The following OCA2 variants were observed in gnomAD, a reference collection of about 807,000 sequenced individuals.
OCA2 encodes P protein.
Under a neutral mutation model 100.2 loss-of-function variants are expected in OCA2, and 77 were observed. That is an observed-to-expected ratio of 0.77 (90% CI 0.64 to 0.93). The LOEUF (loss-of-function observed/expected upper bound fraction) is 0.93, where lower values mean the gene tolerates loss of function less well. Among genes scored for constraint, OCA2 ranks in the 40% least tolerant of loss-of-function variants. OCA2 has a pLI of 0.00. For synonymous variants in OCA2, 432 were observed against 439.2 expected (o/e 0.98, Z 0.21); for missense variants, 1,062 against 1,089.1 (o/e 0.98, Z 0.35).
At chr15:27,870,708 G>T (rs1281915047) in intron 21 of OCA2, among the ~76,000 whole-genome samples, 1 of 103,898 alleles carries the variant, frequency 9.6e-6, no homozygotes, top group Non-Finnish European at 1.8e-5. Flanking sequence ...AAGAAGGAAG[G>T]AAGGAAGGAA....
chr15:27,747,326 G>C, the OCA2 span, among the ~76,000 whole-genome samples: 1 of 152,234 alleles, frequency 6.6e-6, no homozygotes. Context: ...TCAGAAATGT[G>C]AGTAAGTGTT....
intron 18 of OCA2, among the ~76,000 whole-genome samples, chr15:27,935,024 AGGCTGCTCTGCTCAGCACC>A (rs1330022092): frequency 6.6e-6 from 1 of 152,166 alleles, no homozygotes; most frequent in Admixed American, 6.5e-5. Context: ...GCAATGCTCC[AGGCTGCTCTGCTCAGCACC>A]GGCTCCTCAG....
At chr15:27,815,971 A>C (rs1177798058) in intron 23 of OCA2, among the ~76,000 whole-genome samples, 1 of 152,150 alleles carries the variant, frequency 6.6e-6, no homozygotes, top group Non-Finnish European at 1.5e-5. Context: ...GTCTCTACTA[A>C]AAATACAAAA....
intron 23 of OCA2, among the ~76,000 whole-genome samples, chr15:27,780,662 A>G (rs760662972): frequency 3.3e-5 from 5 of 152,192 alleles, no homozygotes; most frequent in Non-Finnish European, 7.3e-5. Context: ...TCTGATGTGC[A>G]CTGTGCTTCT....
At chr15:27,742,530 G>A in the OCA2 span, among the ~76,000 whole-genome samples, 2 of 152,138 alleles carry the variant, frequency 1.3e-5, no homozygotes, top group East Asian at 3.9e-4. Flanking sequence ...CGATGGCAGA[G>A]CTGTGGCCGG....
intron 15 of OCA2, among the ~76,000 whole-genome samples, chr15:27,962,462 C>T (rs1436737668): frequency 6.6e-6 from 1 of 152,202 alleles, no homozygotes; most frequent in Non-Finnish European, 1.5e-5. Context: ...GGGATGTGCT[C>T]TGACACAGGA....
chr15:27,920,467 A>G (rs2038818013), intron 19 of OCA2, among the ~76,000 whole-genome samples: 1 of 152,194 alleles, frequency 6.6e-6, no homozygotes, highest in Non-Finnish European at 1.5e-5. Context: ...AAAATACATT[A>G]TCTAAAATTT....
At chr15:27,859,405 CA>C (rs567983338) in intron 21 of OCA2, among the ~76,000 whole-genome samples, 2 of 152,020 alleles carry the variant, frequency 1.3e-5, no homozygotes, top group Non-Finnish European at 2.9e-5. Flanking sequence ...TACATGCCAA[CA>C]AATTGTGTTA....
intron 21 of OCA2, among the ~76,000 whole-genome samples, chr15:27,856,855 T>C (rs769760656): frequency 6.0e-4 from 92 of 152,274 alleles, no homozygotes; most frequent in Non-Finnish European, 1.2e-3. Context: ...AAATCATAAA[T>C]GGATGGCTCC....
the OCA2 span, among the ~76,000 whole-genome samples, chr15:27,732,536 C>T: frequency 6.6e-6 from 1 of 152,134 alleles, no homozygotes; most frequent in African/African-American, 2.4e-5. Context: ...GACTAGAGTC[C>T]CCTGCATTCA....
chr15:28,095,418 A>C (rs752189131), intron 1 of OCA2, among the ~76,000 whole-genome samples: 8 of 152,134 alleles, frequency 5.3e-5, no homozygotes, highest in Non-Finnish European at 8.8e-5. Context: ...CTTCTTCGTA[A>C]ATCTTAAGAA....
intron 2 of OCA2, among the ~76,000 whole-genome samples, chr15:28,035,243 A>C (rs1048478871): frequency 3.9e-5 from 6 of 152,352 alleles, no homozygotes; most frequent in Non-Finnish European, 7.3e-5. Context: ...GCATATAGGT[A>C]ATCATTTCTG....
intron 23 of OCA2, among the ~76,000 whole-genome samples, chr15:27,807,335 G>A (rs1428538912): frequency 6.6e-6 from 1 of 152,118 alleles, no homozygotes; most frequent in East Asian, 1.9e-4. Flanking sequence ...GGGCAGCTGG[G>A]GGAGTCTTTG....
At chr15:27,867,372 G>A (rs936588426) in intron 21 of OCA2, among the ~76,000 whole-genome samples, 8 of 152,146 alleles carry the variant, frequency 5.3e-5, no homozygotes, top group Non-Finnish European at 1.2e-4. Flanking sequence ...AGTTCAAGTC[G>A]ATAAGTCATT....
intron 2 of OCA2, among the ~76,000 whole-genome samples, chr15:28,050,732 T>C (rs999617857): frequency 6.6e-6 from 1 of 152,126 alleles, no homozygotes; most frequent in Admixed American, 6.5e-5. Flanking sequence ...GTGTCATTCT[T>C]GTTGCCGGCA....
At chr15:28,036,741 A>T (rs757586882) in intron 2 of OCA2, among the ~76,000 whole-genome samples, 1 of 152,224 alleles carries the variant, frequency 6.6e-6, no homozygotes, top group Non-Finnish European at 1.5e-5. Flanking sequence ...AGTACCTAAT[A>T]TATGAACACT....
At chr15:28,048,554 ATTTAT>A (rs1566838794) in intron 2 of OCA2, among the ~76,000 whole-genome samples, 1 of 152,186 alleles carries the variant, frequency 6.6e-6, no homozygotes, top group African/African-American at 2.4e-5. Flanking sequence ...AAAATAGATC[ATTTAT>A]TTAAGATAAA....
At chr15:27,811,646 A>T (rs553480215) in intron 23 of OCA2, among the ~76,000 whole-genome samples, 1 of 152,332 alleles carries the variant, frequency 6.6e-6, no homozygotes, top group African/African-American at 2.4e-5. Flanking sequence ...AGAGTGTGAT[A>T]AAGGCTTACC....
intron 19 of OCA2, among the ~76,000 whole-genome samples, chr15:27,898,304 G>A (rs1213195772): frequency 6.6e-6 from 1 of 152,162 alleles, no homozygotes; most frequent in Non-Finnish European, 1.5e-5. Flanking sequence ...ATCTTGAATT[G>A]TAACTCCCAC....
Sources: gnomAD v4.1 joint callset for allele counts (sites outside exome capture counted in the v4.1 genomes callset) on GRCh38, gnomAD v4.1.1 for gene constraint, MANE v1.5 for transcripts, NCBI Gene and HGNC (gene_info 2026-07-23, HGNC 2026-07-21) for gene names.